The following ADAMTS18 variants were observed in gnomAD, a reference collection of about 807,000 sequenced individuals.
ADAMTS18 encodes the protein ADAM metallopeptidase with thrombospondin type 1 motif 18.
ADAMTS18 carries 157 observed loss-of-function variants against 165.9 expected under a neutral mutation model. The observed-to-expected ratio is 0.95, with a 90% CI of 0.83 to 1.08. The LOEUF (loss-of-function observed/expected upper bound fraction) is 1.08. ADAMTS18 is among the 50% of genes least tolerant of loss of function. ADAMTS18 has a pLI of 0.00. For synonymous variants in ADAMTS18, 782 were observed against 578.2 expected, an observed-to-expected ratio of 1.35 and a Z score of -5.06; for missense variants, 2,040 against 1,534.0, an observed-to-expected ratio of 1.33 and a Z score of -5.51.
intron 3 of ADAMTS18, among the ~76,000 whole-genome samples, chr16:77,427,838 T>G (rs2057692623): frequency 6.6e-6 from 1 of 152,160 alleles, no homozygotes; most frequent in Non-Finnish European, 1.5e-5. Flanking sequence ...TTCAAACAGG[T>G]TAATTCTGAA....
At chr16:77,369,064 T>A (rs576523758) in intron 3 of ADAMTS18, among the ~76,000 whole-genome samples, 27 of 152,312 alleles carry the variant, frequency 1.8e-4, no homozygotes, top group African/African-American at 6.3e-4. Flanking sequence ...TGCAGACTAG[T>A]AGCTTCAGCC....
At chr16:77,373,009 T>A (rs556077634) in intron 3 of ADAMTS18, among the ~76,000 whole-genome samples, 4 of 152,306 alleles carry the variant, frequency 2.6e-5, no homozygotes, top group Admixed American at 2.6e-4. Context: ...CACACCATTC[T>A]AAACAGGACG....
At chr16:77,350,409 A>G (rs1273130378) in intron 10 of ADAMTS18, among the ~76,000 whole-genome samples, 2 of 152,110 alleles carry the variant, frequency 1.3e-5, no homozygotes, top group African/African-American at 4.8e-5. Flanking sequence ...CTGAAGACAT[A>G]AGGAAGAGAG....
chr16:77,359,680 A>T (rs1166134643), intron 7 of ADAMTS18, among the ~76,000 whole-genome samples: 2 of 152,214 alleles, frequency 1.3e-5, no homozygotes, highest in African/African-American at 4.8e-5. Context: ...CTGTAAGGTC[A>T]GTATGAGTAC....
At chr16:77,292,008 GA>G in intron 20 of ADAMTS18, among the ~76,000 whole-genome samples, 2 of 152,250 alleles carry the variant, frequency 1.3e-5, no homozygotes, top group South Asian at 4.1e-4. Context: ...ATCCTTTTAG[GA>G]AAAATATCCT....
chr16:77,418,330 A>G (rs10781986), intron 3 of ADAMTS18, among the ~76,000 whole-genome samples: 89,882 of 152,044 alleles, frequency 0.59, 27,673 homozygotes, highest in Middle Eastern at 0.73. Context: ...GTCGTAAAGA[A>G]TAGAGTTTGT....
chr16:77,319,983 G>A lies in ADAMTS18; in HGVS notation c.2398C>T (p.Leu800Phe). 6.2e-7 allele frequency: 1 copy of A among 1,614,176 alleles called. No homozygotes were observed. Among genetic ancestry groups the A allele is most frequent in the Non-Finnish European group, 8.5e-7 (1 of 1,180,028 alleles). The change falls in exon 16 of 23, where the codon CTC (leucine) becomes TTC (phenylalanine). Residue 800 changes from leucine to phenylalanine, a missense_variant. Physicochemically the swap from Leu to Phe is conservative, Grantham distance 22. Transcript: ENST00000282849. ...CAGTCGATGCTCCAGCCCCCGGTGA[G>A]GTAATACTTTTGACTGAGGCTTCGA... ...AVRSLSQKYY[L>F]TGGWSIDWPG... is the part of the protein sequence containing the mutation.
At chr16:77,331,104 G>A (rs1400073609) in intron 12 of ADAMTS18, among the ~76,000 whole-genome samples, 2 of 152,112 alleles carry the variant, frequency 1.3e-5, no homozygotes, top group Non-Finnish European at 2.9e-5. Flanking sequence ...AAACTGCACT[G>A]AATGAAAATA....
intron 2 of ADAMTS18, among the ~76,000 whole-genome samples, 189 bp downstream of exon 2, chr16:77,434,229 G>C (rs973099227): frequency 2.3e-4 from 35 of 152,006 alleles, no homozygotes; most frequent in East Asian, 1.9e-3. Flanking sequence ...CTTGCAGCTC[G>C]GGGCGTTGAT....
chr16:77,362,402 C>T, intron 6 of ADAMTS18, 138 bp from the exon 7 acceptor site: 2 of 884,398 alleles, frequency 2.3e-6, no homozygotes, highest in Non-Finnish European at 3.5e-6. Context: ...AGGTAGGAGA[C>T]AGGAAAATCT....
chr16:77,286,224 G>A (rs1019083319), intron 22 of ADAMTS18, among the ~76,000 whole-genome samples: 1 of 152,106 alleles, frequency 6.6e-6, no homozygotes, highest in African/African-American at 2.4e-5. Flanking sequence ...CACCTTCCTT[G>A]AGGTCTCTGT....
intron 3 of ADAMTS18, among the ~76,000 whole-genome samples, chr16:77,412,422 T>C (rs1282415873): frequency 6.6e-6 from 1 of 152,138 alleles, no homozygotes; most frequent in Non-Finnish European, 1.5e-5. Context: ...ATTCATGGAC[T>C]CAAGCGATCC....
chr16:77,325,443 C>A (rs1414169575), intron 13 of ADAMTS18, among the ~76,000 whole-genome samples: 1 of 152,134 alleles, frequency 6.6e-6, no homozygotes, highest in Admixed American at 6.5e-5. Flanking sequence ...ACTCTACACA[C>A]AGGCCTTCCC....
At chr16:77,428,484 A>T (rs1366547) in intron 3 of ADAMTS18, among the ~76,000 whole-genome samples, 1 of 151,940 alleles carries the variant, frequency 6.6e-6, no homozygotes, top group African/African-American at 2.4e-5. Flanking sequence ...CTACTTCACA[A>T]CTATCAATCA....
chr16:77,349,524 TAAAAAAAA>T (rs767997537), intron 10 of ADAMTS18, among the ~76,000 whole-genome samples: 1 of 71,518 alleles, frequency 1.4e-5, no homozygotes, highest in African/African-American at 5.9e-5. Flanking sequence ...TCATCTTATG[TAAAAAAAA>T]AAAAAAAAAA....
chr16:77,354,877 T>A (rs2144716339), intron 9 of ADAMTS18, among the ~76,000 whole-genome samples: 1 of 152,318 alleles, frequency 6.6e-6, no homozygotes, highest in East Asian at 1.9e-4. Flanking sequence ...CATTCTTACA[T>A]GAGTTGGAAA....
At chr16:77,364,141 A>G in intron 5 of ADAMTS18, 47 bp downstream of exon 5, 3 of 1,610,858 alleles carry the variant, frequency 1.9e-6, no homozygotes, top group Non-Finnish European at 2.5e-6. Flanking sequence ...ATTCCATGAC[A>G]TTTATTTTCT....
chr16:77,336,449 T>C (rs1386061376), intron 11 of ADAMTS18, among the ~76,000 whole-genome samples: 1 of 152,230 alleles, frequency 6.6e-6, no homozygotes, highest in African/African-American at 2.4e-5. Flanking sequence ...TATTTTTGCT[T>C]ATTCCAAACC....
At chr16:77,370,843 A>C (rs2056866416) in intron 3 of ADAMTS18, among the ~76,000 whole-genome samples, 1 of 152,132 alleles carries the variant, frequency 6.6e-6, no homozygotes, top group Non-Finnish European at 1.5e-5. Context: ...TTAACCAAGG[A>C]GGTGAAGATC....
Sources: gnomAD v4.1 joint callset for allele counts (sites outside exome capture counted in the v4.1 genomes callset) on GRCh38, gnomAD v4.1.1 for gene constraint, MANE v1.5 for transcripts, NCBI Gene and HGNC (gene_info 2026-07-23, HGNC 2026-07-21) for gene names.